The following PPM1E variants were observed in gnomAD, a reference collection of about 807,000 sequenced individuals.
The protein encoded by PPM1E is protein phosphatase 1E.
A neutral mutation model predicts 65.9 loss-of-function variants in PPM1E; 20 were observed. That is an observed-to-expected ratio of 0.30 (90% CI 0.21 to 0.44). The LOEUF is 0.44. Ranked by LOEUF, PPM1E falls within the 20% of genes least tolerant of loss-of-function variation. The pLI, the probability that PPM1E is intolerant of heterozygous loss-of-function variation, is 1.00. For synonymous variants in PPM1E, 352 were observed against 374.9 expected (o/e 0.94, Z 0.70); for missense variants, 713 against 953.1 (o/e 0.75, Z 3.32).
chr17:58,907,217 G>C (rs2051569386), intron 1 of PPM1E, among the ~76,000 whole-genome samples: 1 of 151,576 alleles, frequency 6.6e-6, no homozygotes, highest in East Asian at 1.9e-4. Context: ...CCGTACTCCA[G>C]ACTGGGAGAC....
chr17:58,873,928 C>T (rs1482636566), intron 1 of PPM1E, among the ~76,000 whole-genome samples: 1 of 151,752 alleles, frequency 6.6e-6, no homozygotes, highest in Non-Finnish European at 1.5e-5. Context: ...ATGATTTTTA[C>T]ACTACTATGA....
In PPM1E at chr17:58,881,617, G is replaced by A. The variant is rs548890524; in HGVS notation, c.465-74032G>A. The stretch of plus-strand genomic sequence containing the variant: ...GTGGAGGTTGCAGTGAGCCAAGATC[G>A]TGCCACTGCACTCCAGCCTGGTGAC... On this transcript the variant is annotated intron_variant, in intron 1 of 6. Transcript: ENST00000308249. Among the ~76,000 whole-genome samples the A allele has an allele frequency of 2.0e-3, 311 of 152,114 alleles. 1 individual carries two copies. Among genetic ancestry groups the A allele is most frequent in the Middle Eastern group, 0.017 (5 of 294 alleles).
intron 1 of PPM1E, among the ~76,000 whole-genome samples, chr17:58,852,616 T>A (rs1440495202): frequency 6.6e-6 from 1 of 151,416 alleles, no homozygotes; most frequent in Non-Finnish European, 1.5e-5. Flanking sequence ...TTTTTGTTTT[T>A]TTTTTTGAGA....
chr17:58,804,756 T>G (rs1029499472), intron 1 of PPM1E, among the ~76,000 whole-genome samples: 1 of 152,162 alleles, frequency 6.6e-6, no homozygotes, highest in African/African-American at 2.4e-5. Flanking sequence ...CATTTTATTT[T>G]ATTGATATAT....
At chr17:58,963,513 C>A (rs1410042764) in intron 2 of PPM1E, among the ~76,000 whole-genome samples, 13 of 151,616 alleles carry the variant, frequency 8.6e-5, no homozygotes, top group Admixed American at 7.9e-4. Flanking sequence ...ACCATCCTGG[C>A]CAACATGGTG....
chr17:58,948,201 A>AT (rs925613368), intron 1 of PPM1E, among the ~76,000 whole-genome samples: 2 of 152,106 alleles, frequency 1.3e-5, no homozygotes, highest in Admixed American at 6.5e-5. Context: ...AACAGACTCT[A>AT]TTTTTTTATG....
chr17:58,785,487 T>TATATATATATAGATAG (rs1555609827), intron 1 of PPM1E: 1 of 132,210 alleles, frequency 7.6e-6, no homozygotes, highest in African/African-American at 2.8e-5. Context: ...TATATATATA[T>TATATATATATAGATAG]ATAGTAGAAC....
chr17:58,826,124 A>G (rs1317765744), intron 1 of PPM1E, among the ~76,000 whole-genome samples: 1 of 151,588 alleles, frequency 6.6e-6, no homozygotes, highest in Non-Finnish European at 1.5e-5. Context: ...CCCCGTCTCT[A>G]CTAAAAATAC....
chr17:58,755,860 A>G lies in PPM1E; in HGVS notation c.-138A>G. On this transcript the variant is annotated 5_prime_UTR_variant, in exon 1 of 7. Transcript: ENST00000308249. ...GCGCACGCCTGCGGGAGCCCTCTCC[A>G]GGCAACCTAGTGCTGATCGCTCGTG... is the stretch of plus-strand genomic sequence containing the variant. 7.0e-7 allele frequency: 1 copy of G among 1,435,424 alleles called. No individual in the cohort carries two copies. Among genetic ancestry groups the G allele is most frequent in the Non-Finnish European group, 9.1e-7 (1 of 1,095,062 alleles). 88.9% of individuals were successfully genotyped at this position (1,435,424 alleles called of 1,614,324 possible).
chr17:58,890,968 A>AT (rs962701837), intron 1 of PPM1E, among the ~76,000 whole-genome samples: 1 of 151,258 alleles, frequency 6.6e-6, no homozygotes, highest in Non-Finnish European at 1.5e-5. Flanking sequence ...AAATTAAATA[A>AT]TTTTTTTTTC....
intron 1 of PPM1E, among the ~76,000 whole-genome samples, chr17:58,836,975 C>G (rs866152814): frequency 6.8e-6 from 1 of 146,308 alleles, no homozygotes; most frequent in Non-Finnish European, 1.5e-5. Flanking sequence ...AGCCGAGATC[C>G]CGCCACTGCA....
chr17:58,879,234 T>C (rs558768083), intron 1 of PPM1E, among the ~76,000 whole-genome samples: 1 of 149,852 alleles, frequency 6.7e-6, no homozygotes, highest in Non-Finnish European at 1.5e-5. Flanking sequence ...TTTTAATAAC[T>C]TTGAAGCAAA....
At chr17:58,907,943 C>G (rs1410374430) in intron 1 of PPM1E, among the ~76,000 whole-genome samples, 1 of 151,964 alleles carries the variant, frequency 6.6e-6, no homozygotes, top group African/African-American at 2.4e-5. Context: ...TTCTGACAAT[C>G]ATTTAATTTG....
intron 1 of PPM1E, among the ~76,000 whole-genome samples, chr17:58,815,520 A>C (rs1013198971): frequency 1.3e-5 from 2 of 152,198 alleles, no homozygotes; most frequent in Non-Finnish European, 2.9e-5. Context: ...GATACCTAGA[A>C]AGAGTGGGGA....
At chr17:58,822,668 A>G (rs1567844068) in intron 1 of PPM1E, among the ~76,000 whole-genome samples, 1 of 152,216 alleles carries the variant, frequency 6.6e-6, no homozygotes, top group African/African-American at 2.4e-5. Context: ...TGCTTTAAAC[A>G]CTGGTTGGCC....
At chr17:58,931,364 C>G (rs1001378963) in intron 1 of PPM1E, among the ~76,000 whole-genome samples, 3 of 139,940 alleles carry the variant, frequency 2.1e-5, no homozygotes, top group Non-Finnish European at 4.5e-5. Flanking sequence ...CCAACCTGAG[C>G]GACAAGAGTG....
At chr17:58,958,105 C>T (rs1223087385) in intron 2 of PPM1E, among the ~76,000 whole-genome samples, 2 of 152,044 alleles carry the variant, frequency 1.3e-5, no homozygotes, top group South Asian at 2.1e-4. Context: ...TACTACAACC[C>T]GGTCAACAGA....
At chr17:58,842,242 A>G (rs2050726782) in intron 1 of PPM1E, among the ~76,000 whole-genome samples, 1 of 152,200 alleles carries the variant, frequency 6.6e-6, no homozygotes, top group Non-Finnish European at 1.5e-5. Flanking sequence ...CTGAGAAACA[A>G]TCACAGCTAA....
At chr17:58,808,035 A>G (rs950302461) in intron 1 of PPM1E, among the ~76,000 whole-genome samples, 2 of 152,160 alleles carry the variant, frequency 1.3e-5, no homozygotes, top group African/African-American at 4.8e-5. Context: ...CAGTTCTACT[A>G]CTAGCAGTGC....
Sources: allele counts gnomAD v4.1 joint callset (sites outside exome capture counted in the v4.1 genomes callset), GRCh38; gene constraint gnomAD v4.1.1; transcripts MANE v1.5; gene names NCBI Gene and HGNC (gene_info 2026-07-23, HGNC 2026-07-21).